ANKRD35: variants seen among roughly 807,000 people sequenced by gnomAD.
ANKRD35 encodes the protein ankyrin repeat domain 35.
In ANKRD35, 102 loss-of-function variants were observed where a neutral mutation model predicts 109.9. That is an observed-to-expected ratio of 0.93 (90% CI 0.79 to 1.09). ANKRD35 has a LOEUF of 1.09. ANKRD35 is among the 50% of genes least tolerant of loss of function. The probability of loss-of-function intolerance (pLI) is 0.00; values close to 1 mark genes in which losing one functional copy is unlikely to be tolerated. For missense variants in ANKRD35, 1,240 were observed against 1,230.1 expected (o/e 1.01, Z -0.12); for synonymous variants, 515 against 512.4 (o/e 1.01, Z -0.07).
intron 10 of ANKRD35, among the ~76,000 whole-genome samples, chr1:145,868,688 CT>C (rs1252103753): frequency 3.3e-5 from 5 of 152,316 alleles, no homozygotes; most frequent in Admixed American, 2.6e-4. Flanking sequence ...ACTTTCCTTA[CT>C]TGTCAGTTAC....
chr1:145,879,109 T>C (rs1654193494), intron 2 of ANKRD35, 149 bp downstream of exon 2: 2 of 1,129,842 alleles, frequency 1.8e-6, no homozygotes, highest in East Asian at 3.0e-5. Flanking sequence ...AGAACTTATA[T>C]GTAGCAAAAA....
chr1:145,873,910 C>A lies in ANKRD35; in HGVS notation c.859G>T (p.Glu287Ter), dbSNP rs1553739550. The change falls in exon 10 of 14, where the codon GAG (glutamate) becomes TAG (stop). Residue 287 changes from glutamate to a stop codon, truncating the protein, a stop_gained. Coordinates refer to ENST00000355594, the MANE Select transcript of ANKRD35 (RefSeq NM_144698.5). LOFTEE classifies it high-confidence loss of function. The part of the protein sequence containing the change: ...WRAEPEEEQE[E>*]KEDEDPCSEE... ...GAGCACGGGTCTTCATCCTCCTTCTCCTCTTGCTCCTCTTCAGGCTCTGCT... is the reference window on the plus strand; with the variant it reads ...GAGCACGGGTCTTCATCCTCCTTCTACTCTTGCTCCTCTTCAGGCTCTGCT... The A allele has an allele frequency of 6.2e-7, 1 of 1,614,242 alleles. No homozygotes were observed.
intron 4 of ANKRD35, 124 bp downstream of exon 4, chr1:145,877,844 C>T: frequency 1.2e-6 from 1 of 854,800 alleles, no homozygotes; most frequent in South Asian, 1.5e-5. Context: ...TGATTATCAG[C>T]CCTCCTATTG....
At chr1:145,868,518 C>T (rs1447987800) in intron 10 of ANKRD35, 118 bp from the exon 11 acceptor site, 1 of 781,418 alleles carries the variant, frequency 1.3e-6, no homozygotes, top group Non-Finnish European at 2.1e-6. Context: ...CAAATTGTCT[C>T]ATTTAACACT....
At chr1:145,875,080 C>G in intron 7 of ANKRD35, 74 bp from the exon 8 acceptor site, 1 of 1,456,568 alleles carries the variant, frequency 6.9e-7, no homozygotes, top group South Asian at 1.4e-5. Flanking sequence ...ACATTCCACT[C>G]ACAGGGTAAG....
chr1:145,867,462 G>A (rs1570790307), intron 12 of ANKRD35, 70 bp from the exon 13 acceptor site: 2 of 1,346,188 alleles, frequency 1.5e-6, no homozygotes, highest in Non-Finnish European at 2.1e-6. Flanking sequence ...TGAGGGAGAG[G>A]TTCTGTGGTA....
At chr1:145,866,936 T>G (rs931099734) in intron 13 of ANKRD35, among the ~76,000 whole-genome samples, 171 bp from the exon 14 acceptor site, 1 of 152,126 alleles carries the variant, frequency 6.6e-6, no homozygotes, top group Non-Finnish European at 1.5e-5. Context: ...ATGAATGGTA[T>G]CAAAGTGAAG....
chr1:145,874,777 T>C (rs782396875), intron 8 of ANKRD35, 45 bp downstream of exon 8: 1 of 1,504,206 alleles, frequency 6.6e-7, no homozygotes, highest in Non-Finnish European at 8.9e-7. Flanking sequence ...TCTAAGAAAC[T>C]TCTCTGATTC....
chr1:145,873,882 T>A lies in ANKRD35; in HGVS notation c.887A>T (p.Glu296Val), dbSNP rs1553739541. The A allele has an allele frequency of 6.2e-7, 1 of 1,614,110 alleles. No individual in the cohort carries two copies. Among genetic ancestry groups the A allele is most frequent in the Non-Finnish European group, 8.5e-7 (1 of 1,180,002 alleles). ...CTCTTCATACTTCCACCTCCACTCCTCCGAGCACGGGTCTTCATCCTCCTT... is the reference window on the plus strand; with the variant it reads ...CTCTTCATACTTCCACCTCCACTCCACCGAGCACGGGTCTTCATCCTCCTT... ...EEKEDEDPCS[E>V]EWRWKYEEER... The change falls in exon 10 of 14, where the codon GAG becomes GTG. Residue 296 changes from glutamate to valine, a missense_variant. Transcript: ENST00000355594.
chr1:145,874,778 T>A, intron 8 of ANKRD35, 44 bp downstream of exon 8: 1 of 1,507,256 alleles, frequency 6.6e-7, no homozygotes, highest in Non-Finnish European at 8.9e-7. Flanking sequence ...CTAAGAAACT[T>A]CTCTGATTCT....
Position 145,879,298 on chromosome 1 carries a change from A to G in ANKRD35, c.130T>C (p.Ser44Pro). The G allele has an allele frequency of 6.2e-7, 1 of 1,611,696 alleles. No homozygotes were observed. Among genetic ancestry groups the G allele is most frequent in the Non-Finnish European group, 8.5e-7 (1 of 1,179,036 alleles). The change falls in exon 2 of 14, where the codon TCT becomes CCT. Residue 44 changes from serine to proline, a missense_variant. By Grantham distance (74) the Ser-to-Pro change is moderately conservative (BLOSUM62 -1). Transcript: ENST00000355594. Reference sequence around the variant, plus strand: ...GAGTCAAGCTTGGTGGGTCGGGCAGATTTCCTGGAGGCCAGGGCAGCCACG... The same window carrying G: ...GAGTCAAGCTTGGTGGGTCGGGCAGGTTTCCTGGAGGCCAGGGCAGCCACG... ...GRVAALASRK[S>P]ARPTKLDSNG... is the part of the protein sequence containing the mutation.
At chr1:145,876,463 G>A in intron 6 of ANKRD35, 106 bp downstream of exon 6, 2 of 1,327,988 alleles carry the variant, frequency 1.5e-6, no homozygotes, top group Non-Finnish European at 2.2e-6. Context: ...GGAAGAGAAG[G>A]GTGGTGCTAA....
intron 1 of ANKRD35, among the ~76,000 whole-genome samples, chr1:145,883,696 G>A (rs1250247651): frequency 6.6e-6 from 1 of 152,216 alleles, no homozygotes. Flanking sequence ...GGCTTTTGGA[G>A]TGGCCATAAA....
chr1:145,884,823 C>A (rs1302063050), intron 1 of ANKRD35, among the ~76,000 whole-genome samples: 3 of 152,160 alleles, frequency 2.0e-5, no homozygotes, highest in Admixed American at 6.5e-5. Flanking sequence ...GGCAGAAAGG[C>A]CTTGAGCCTT....
Position 145,876,599 on chromosome 1 carries a change from G to A in ANKRD35, c.423C>T (p.Asp141=), listed in dbSNP as rs781840175. Residue 141 remains aspartate (D), a synonymous_variant, in exon 6 of 14, where the codon GAC becomes GAT. Coordinates refer to ENST00000355594, the MANE Select transcript of ANKRD35 (RefSeq NM_144698.5). ...GCASSVLLLC[D]HEAFLDVLDN... is the part of the protein sequence containing the mutation. ...CCAACACGTCCAGGAAGGCTTCGTG[G>A]TCACACAGCAGGAGCACACTTGAGG... 1.9e-6 allele frequency: 3 copies of A among 1,614,166 alleles called. No homozygotes were observed. The South Asian group carries it at 3.3e-5, about 18-fold the overall frequency.
rs782200117 is a variant in ANKRD35 at position 145,873,222 on chromosome 1, G to C, written c.1547C>G (p.Pro516Arg). 1.2e-6 allele frequency: 2 copies of C among 1,613,980 alleles called. No individual in the cohort carries two copies. The highest frequency in any genetic ancestry group is 1.7e-6 in the Non-Finnish European group (2 of 1,180,010). The change falls in exon 10 of 14, where the codon CCG becomes CGG. Residue 516 changes from proline (P) to arginine (R), a missense_variant. By Grantham distance (103) the Pro-to-Arg change is moderately radical. Coordinates refer to ENST00000355594, the MANE Select transcript of ANKRD35 (RefSeq NM_144698.5). ...AGTCCCCAGGGCTCCCTCCATGACC[G>C]GTCTTGACAAAGCCCCCCGGGCAGC... ...KDAARGALSR[P>R]VMEGALGTPR...
chr1:145,868,494 G>A, intron 10 of ANKRD35, 94 bp from the exon 11 acceptor site: 1 of 1,004,762 alleles, frequency 1.0e-6, no homozygotes, highest in Non-Finnish European at 1.5e-6. Flanking sequence ...TATTTAATAT[G>A]TGCCAATTTT....
At chr1:145,867,621 A>G (rs587665323) in intron 12 of ANKRD35, among the ~76,000 whole-genome samples, 1 of 152,334 alleles carries the variant, frequency 6.6e-6, no homozygotes, top group South Asian at 2.1e-4. Flanking sequence ...GCAAAGCACC[A>G]GGTACACAAT....
At chr1:145,878,540 A>G in intron 2 of ANKRD35, 61 bp from the exon 3 acceptor site, 2 of 1,471,614 alleles carry the variant, frequency 1.4e-6, no homozygotes, top group Non-Finnish European at 1.9e-6. Context: ...GAATGGGAGA[A>G]TCTTGATAAG....
Sources: allele counts gnomAD v4.1 joint callset (sites outside exome capture counted in the v4.1 genomes callset), GRCh38; gene constraint gnomAD v4.1.1; transcripts MANE v1.5; gene names NCBI Gene and HGNC (gene_info 2026-07-23, HGNC 2026-07-21).